Variants in ASPM observed in about 807,000 individuals in gnomAD.
The protein encoded by ASPM is abnormal spindle-like microcephaly-associated protein.
A neutral mutation model predicts 366.4 loss-of-function variants in ASPM; 256 were observed. The ratio of observed to expected loss-of-function variants is 0.70; its 90% confidence interval spans 0.63 to 0.77. ASPM has a LOEUF of 0.77. ASPM is among the 30% of genes least tolerant of loss of function. The pLI is 0.00. For synonymous variants in ASPM, 1,414 were observed against 1,342.9 expected, an observed-to-expected ratio of 1.05 and a Z score of -1.16; for missense variants, 4,146 against 4,090.4, an observed-to-expected ratio of 1.01 and a Z score of -0.37.
chr1:197,113,149 T>C (rs779997365), intron 17 of ASPM, among the ~76,000 whole-genome samples: 11 of 152,064 alleles, frequency 7.2e-5, no homozygotes, highest in Non-Finnish European at 1.0e-4. Context: ...CACTTATAAG[T>C]GGGAGCTAAA....
Position 197,104,076 on chromosome 1 carries a change from A to G in ASPM, c.5175T>C (p.Tyr1725=). The G allele has an allele frequency of 6.2e-7, 1 of 1,613,020 alleles. No individual in the cohort carries two copies. The highest frequency in any genetic ancestry group is 8.5e-7 in the Non-Finnish European group (1 of 1,179,446). Residue 1725 remains tyrosine (Y), a synonymous_variant, in exon 18 of 28, where the codon TAT becomes TAC. Coordinates refer to ENST00000367409, the MANE Select transcript of ASPM (RefSeq NM_018136.5). The part of the protein sequence containing the change: ...KKIAAQKREE[Y]MQMRESCIKL... The stretch of plus-strand genomic sequence containing the variant: ...TGATACAAGATTCCCGCATCTGCAT[A>G]TACTCTTCTCTCTTTTGTGCAGCTA...
At position 197,103,537 on chromosome 1, in the gene ASPM, T is replaced by C; in HGVS notation, c.5714A>G (p.Gln1905Arg). 6.2e-7 allele frequency: 1 copy of C among 1,613,222 alleles called. No individual in the cohort carries two copies. Residue 1905 changes from glutamine to arginine, a missense_variant, in exon 18 of 28, where the codon CAG (glutamine) becomes CGG (arginine). Physicochemically the swap from Gln to Arg is conservative, Grantham distance 43 (BLOSUM62 1). Around this residue, in one of 3 missense-constraint regions of ASPM, gnomAD observed 3,624 missense variants for 3,591.7 expected, o/e 1.01. Transcript: ENST00000367409. ...GGCCTTGGCCATTCTAAAAGCAGAC[T>C]GAATCTTCAAGGCAGCTTGATGTTC... ...RREHQAALKI[Q>R]SAFRMAKAQK...
intron 4 of ASPM, among the ~76,000 whole-genome samples, chr1:197,135,960 A>G (rs1269204669): frequency 1.3e-5 from 2 of 152,182 alleles, no homozygotes; most frequent in Non-Finnish European, 2.9e-5. Context: ...CCCAAAAAAC[A>G]AAACAAAAAG....
In ASPM at chr1:197,139,756, T is replaced by C. The variant is rs931105031; in HGVS notation, c.2026+11A>G. 1.3e-6 allele frequency: 2 copies of C among 1,547,192 alleles called. No homozygotes were observed. The highest frequency in any genetic ancestry group is 1.8e-6 in the Non-Finnish European group (2 of 1,118,994). Reference sequence around the variant, plus strand: ...ATGTTTTCAGAGAGTTTAAGTATAATAAATACTTGCCTGTTTTTAATGGTT... The same window carrying C: ...ATGTTTTCAGAGAGTTTAAGTATAACAAATACTTGCCTGTTTTTAATGGTT... On this transcript the variant is annotated intron_variant, in intron 4 of 27. Coordinates refer to ENST00000367409, the MANE Select transcript of ASPM (RefSeq NM_018136.5).
Position 197,146,203 on chromosome 1 carries a change from T to C in ASPM, c.235A>G (p.Ile79Val), listed in dbSNP as rs1658772028. 4 of 1,613,734 alleles carry C rather than the reference T, an allele frequency of 2.5e-6. No homozygotes were observed. Among genetic ancestry groups the C allele is most frequent in the Non-Finnish European group, 3.4e-6 (4 of 1,179,916 alleles). The change falls in exon 1 of 28, where the codon ATC becomes GTC. Residue 79 changes from isoleucine to valine, a missense_variant. Transcript: ENST00000367409. ...NPNEEVAEVK[I>V]SHFPAADLGF... ...AGGTCCGCGGCCGGGAAGTGGGAGA[T>C]CTTCACTTCTGCCACCTCCTCGTTA...
Position 197,122,609 on chromosome 1 carries a change from C to T in ASPM, c.3391-14G>A. ...AAAATTCTCCACCTGATTGAAAATG[C>T]CAGAAAAACAATTAACCGCATTTAG... On this transcript the variant is annotated splice_polypyrimidine_tract_variant and intron_variant, in intron 13 of 27. Transcript: ENST00000367409. 1 of 1,582,454 alleles carries T rather than the reference C, an allele frequency of 6.3e-7. No homozygotes were observed. The highest frequency in any genetic ancestry group is 8.6e-7 in the Non-Finnish European group (1 of 1,160,600).
chr1:197,115,800 A>C (rs895487101), intron 17 of ASPM, among the ~76,000 whole-genome samples: 1 of 152,208 alleles, frequency 6.6e-6, no homozygotes, highest in Non-Finnish European at 1.5e-5. Flanking sequence ...ATGTGCTGTT[A>C]TCCAGACTTT....
chr1:197,124,718 T>C (rs913202076), intron 12 of ASPM, 152 bp downstream of exon 12: 4 of 489,648 alleles, frequency 8.2e-6, no homozygotes, highest in African/African-American at 2.0e-5. Context: ...TATATATACA[T>C]ATATATATAT....
At chr1:197,092,254 T>C (rs1656809374) in intron 21 of ASPM, among the ~76,000 whole-genome samples, 198 bp from the exon 22 acceptor site, 1 of 151,852 alleles carries the variant, frequency 6.6e-6, no homozygotes, top group African/African-American at 2.4e-5. Flanking sequence ...GTGTAACTCA[T>C]AACTCAGAGT....
rs1256949707 is a variant in ASPM, at chr1:197,102,358, G to A, written c.6893C>T (p.Ala2298Val). Residue 2298 changes from alanine (A) to valine (V), a missense_variant, in exon 18 of 28, where the codon GCA becomes GTA. Ala to Val is a moderately conservative substitution (Grantham distance 64). Coordinates refer to ENST00000367409, the MANE Select transcript of ASPM (RefSeq NM_018136.5). ...TAILIQRKYR[A>V]HLCTKHHLQF... is the part of the protein sequence containing the mutation. ...TAAGTGATGCTTTGTACAAAGATGT[G>A]CCCGATATTTTCTCTGAATCAAAAT... 2 of 1,612,764 alleles carry A rather than the reference G, an allele frequency of 1.2e-6. No individual in the cohort carries two copies. The highest frequency in any genetic ancestry group is 1.7e-6 in the Non-Finnish European group (2 of 1,179,250).
Position 197,095,767 on chromosome 1 carries a change from T to TGTA in ASPM, c.8987+230_8987+231insTAC, listed in dbSNP as rs3077762. On this transcript the variant is annotated intron_variant, in intron 19 of 27. Coordinates refer to ENST00000367409, the MANE Select transcript of ASPM (RefSeq NM_018136.5). ...TATGAACCTGAATTAATCAAGTATATAATATTTTTAGATTATATTAATTAA... is the reference window on the plus strand; with the variant it reads ...TATGAACCTGAATTAATCAAGTATATGTAAATATTTTTAGATTATATTAATTAA... Among the ~76,000 whole-genome samples the TGTA allele has an allele frequency of 0.78, 118,616 of 151,356 alleles. 49,713 individuals are homozygous for TGTA. Among genetic ancestry groups the TGTA allele is most frequent in the East Asian group, 1 (5,126 of 5,130 alleles).
chr1:197,103,485 T>C lies in ASPM; in HGVS notation c.5766A>G (p.Thr1922=). 1.9e-6 allele frequency: 3 copies of C among 1,613,282 alleles called. No homozygotes were observed. The highest frequency in any genetic ancestry group is 2.5e-6 in the Non-Finnish European group (3 of 1,179,498). ...AATTTTGCTGGATGACTAATGCTGCTGTTTTAAACAATCTAAACTGTTTCT... is the reference window on the plus strand; with the variant it reads ...AATTTTGCTGGATGACTAATGCTGCCGTTTTAAACAATCTAAACTGTTTCT... ...KAQKQFRLFK[T]AALVIQQNFR... is the part of the protein sequence containing the mutation. The change falls in exon 18 of 28, where the codon ACA becomes ACG. Residue 1922 remains threonine (T), a synonymous_variant. Transcript: ENST00000367409.
chr1:197,139,829 CTT>C lies in ASPM; in HGVS notation c.1962_1963del (p.Arg655AspfsTer37). ...TGCCACAGCGATAATGGGTTTTGTC[CTT>C]TTGTTTGTTTTAGAAATTGGAGTTC... On this transcript the variant is annotated frameshift_variant, in exon 4 of 28. Coordinates refer to ENST00000367409, the MANE Select transcript of ASPM (RefSeq NM_018136.5). LOFTEE classifies it high-confidence loss of function. 1 of 1,612,142 alleles carries C rather than the reference CTT, an allele frequency of 6.2e-7. No individual in the cohort carries two copies. Among genetic ancestry groups the C allele is most frequent in the Non-Finnish European group, 8.5e-7 (1 of 1,178,412 alleles).
Position 197,135,077 on chromosome 1 carries a change from A to G in ASPM, c.2173+19T>C. ...CTGTTAAAAGTATTATTAAATTTAA[A>G]CATTAATTTAACGTTTACCTTCAGA... On this transcript the variant is annotated intron_variant, in intron 5 of 27. Coordinates refer to ENST00000367409, the MANE Select transcript of ASPM (RefSeq NM_018136.5). The G allele has an allele frequency of 6.8e-7, 1 of 1,476,050 alleles. No individual in the cohort carries two copies. Among genetic ancestry groups the G allele is most frequent in the Non-Finnish European group, 9.4e-7 (1 of 1,066,482 alleles). 91.4% of individuals were successfully genotyped at this position (1,476,050 alleles called of 1,614,324 possible).
At chr1:197,113,296 C>CATTTG (rs1553224692) in intron 17 of ASPM, among the ~76,000 whole-genome samples, 1 of 152,096 alleles carries the variant, frequency 6.6e-6, no homozygotes, top group Non-Finnish European at 1.5e-5. Flanking sequence ...CATTTGTACA[C>CATTTG]TAAGGCTTAA....
chr1:197,091,843 A>T, intron 22 of ASPM, 64 bp downstream of exon 22: 1 of 1,522,464 alleles, frequency 6.6e-7, no homozygotes, highest in Non-Finnish European at 9.1e-7. Flanking sequence ...ATTGTTTATT[A>T]CATATCAAAA....
At chr1:197,112,294 TG>T (rs1657609175) in intron 17 of ASPM, among the ~76,000 whole-genome samples, 1 of 151,802 alleles carries the variant, frequency 6.6e-6, no homozygotes, top group African/African-American at 2.4e-5. Context: ...TACTTATAAG[TG>T]GGAGCTAAAT....
intron 4 of ASPM, among the ~76,000 whole-genome samples, chr1:197,136,358 C>G (rs943253020): frequency 3.3e-5 from 5 of 151,976 alleles, no homozygotes; most frequent in Admixed American, 3.3e-4. Flanking sequence ...AGCATAAAAA[C>G]AGTATTATTG....
At position 197,093,049 on chromosome 1, in the gene ASPM, T is replaced by C. The variant is rs1656835296; in HGVS notation, c.9294+3A>G. ...ATGAGATATGCTACTTGAAAATACT[T>C]ACTCTTTTTCGTACTAGCCAACCAC... On this transcript the variant is annotated splice_donor_region_variant and intron_variant, in intron 21 of 27. Coordinates refer to ENST00000367409, the MANE Select transcript of ASPM (RefSeq NM_018136.5). 6.3e-7 allele frequency: 1 copy of C among 1,595,728 alleles called. No homozygotes were observed. Among genetic ancestry groups the C allele is most frequent in the South Asian group, 1.1e-5 (1 of 90,664 alleles).
Sources: gnomAD v4.1 joint callset for allele counts (sites outside exome capture counted in the v4.1 genomes callset) on GRCh38, gnomAD v4.1.1 for gene constraint, gnomAD v4.1.1 regional missense constraint, MANE v1.5 for transcripts, NCBI Gene and HGNC (gene_info 2026-07-23, HGNC 2026-07-21) for gene names.